MPP4: variants seen among roughly 807,000 people sequenced by gnomAD.
MPP4 encodes the protein MAGUK p55 scaffold protein 4.
A neutral mutation model predicts 98.3 loss-of-function variants in MPP4; 91 were observed. The ratio of observed to expected loss-of-function variants is 0.93; its 90% confidence interval spans 0.78 to 1.10. The LOEUF (loss-of-function observed/expected upper bound fraction) is 1.10, where lower values mean the gene tolerates loss of function less well. Among genes scored for constraint, MPP4 ranks in the 50% least tolerant of loss-of-function variants. The pLI, the probability that MPP4 is intolerant of heterozygous loss-of-function variation, is 0.00. For missense variants in MPP4, 744 were observed against 792.9 expected (o/e 0.94, Z 0.74); for synonymous variants, 261 against 271.8 (o/e 0.96, Z 0.39).
chr2:201,653,717 A>C (rs1486251314), intron 18 of MPP4, among the ~76,000 whole-genome samples: 1 of 152,198 alleles, frequency 6.6e-6, no homozygotes, highest in Non-Finnish European at 1.5e-5. Flanking sequence ...AGGTTGTCTT[A>C]GAGTGATTTT....
intron 21 of MPP4, 29 bp from the exon 22 acceptor site, chr2:201,645,433 G>C: frequency 6.4e-7 from 1 of 1,563,560 alleles, no homozygotes; most frequent in African/African-American, 1.4e-5. Context: ...AATATGGATA[G>C]TACAGACTTA....
chr2:201,651,915 G>A (rs981205876), intron 18 of MPP4: 9 of 616,422 alleles, frequency 1.5e-5, no homozygotes, highest in African/African-American at 8.1e-5. Context: ...ATAACACCAC[G>A]GCACTCCAGC....
At chr2:201,657,919 A>T (rs1687903557) in intron 16 of MPP4, among the ~76,000 whole-genome samples, 1 of 150,688 alleles carries the variant, frequency 6.6e-6, no homozygotes, top group African/African-American at 2.4e-5. Context: ...TTTAGGCTGA[A>T]TGATTCTGAA....
intron 12 of MPP4, 186 bp from the exon 13 acceptor site, chr2:201,666,558 C>T: frequency 4.4e-6 from 2 of 458,962 alleles, no homozygotes; most frequent in Non-Finnish European, 7.7e-6. Context: ...ATGTCTCTAC[C>T]AAAAAAAACA....
chr2:201,692,902 A>C lies in MPP4; in HGVS notation c.201+6T>G, dbSNP rs751614753. 1 of 1,605,590 alleles carries C rather than the reference A, an allele frequency of 6.2e-7. No homozygotes were observed. Among genetic ancestry groups the C allele is most frequent in the Non-Finnish European group, 8.5e-7 (1 of 1,176,220 alleles). Reference sequence around the variant, plus strand: ...AGCAAAGGCTTCCGAGCAAAGAAGCACTCACCTTTAGCAGAGCCTGAAGCC... The same window carrying C: ...AGCAAAGGCTTCCGAGCAAAGAAGCCCTCACCTTTAGCAGAGCCTGAAGCC... On this transcript the variant is annotated splice_donor_region_variant and intron_variant, in intron 3 of 21. Coordinates refer to ENST00000409474, the MANE Select transcript of MPP4 (RefSeq NM_033066.3).
At chr2:201,686,419 C>G (rs1688836485) in intron 5 of MPP4, among the ~76,000 whole-genome samples, 1 of 152,134 alleles carries the variant, frequency 6.6e-6, no homozygotes, top group Non-Finnish European at 1.5e-5. Context: ...AATATTTTCC[C>G]CAATTAAGGT....
chr2:201,678,095 T>C (rs1000225998), intron 10 of MPP4, among the ~76,000 whole-genome samples: 7 of 152,174 alleles, frequency 4.6e-5, no homozygotes, highest in African/African-American at 1.7e-4. Context: ...AATTTCTTAT[T>C]TTCATATTAG....
At chr2:201,678,848 C>A (rs575192305) in intron 10 of MPP4, among the ~76,000 whole-genome samples, 2 of 152,126 alleles carry the variant, frequency 1.3e-5, no homozygotes, top group Non-Finnish European at 2.9e-5. Flanking sequence ...CACTCCTGCT[C>A]ACTCCTAGGT....
intron 9 of MPP4, among the ~76,000 whole-genome samples, 177 bp downstream of exon 9, chr2:201,681,319 T>C (rs535583322): frequency 1.3e-5 from 2 of 152,214 alleles, no homozygotes; most frequent in East Asian, 3.8e-4. Flanking sequence ...CCCATCTCCT[T>C]GTACTGTACT....
In MPP4 at chr2:201,680,880, G is replaced by C. The variant is rs1285071750; in HGVS notation, c.887C>G (p.Ala296Gly). The part of the protein sequence containing the change: ...WWQARKISDP[A>G]TCAGLVPSNH... Reference sequence around the variant, plus strand: ...AGAAGGGACAAGCCCAGCGCAGGTAGCAGGGTCTGAGATTTTTCGGGCCTG... The same window carrying C: ...AGAAGGGACAAGCCCAGCGCAGGTACCAGGGTCTGAGATTTTTCGGGCCTG... The change falls in exon 10 of 22, where the codon GCT becomes GGT. Residue 296 changes from alanine (A) to glycine (G), a missense_variant. By Grantham distance (60) the Ala-to-Gly change is moderately conservative (BLOSUM62 0). Coordinates refer to ENST00000409474, the MANE Select transcript of MPP4 (RefSeq NM_033066.3). 6.2e-7 allele frequency: 1 copy of C among 1,613,620 alleles called. No homozygotes were observed. Among genetic ancestry groups the C allele is most frequent in the Admixed American group, 1.7e-5 (1 of 59,962 alleles).
At chr2:201,696,572 ATTTAAT>A (rs1689193157) in intron 1 of MPP4, among the ~76,000 whole-genome samples, 1 of 152,296 alleles carries the variant, frequency 6.6e-6, no homozygotes, top group Admixed American at 6.5e-5. Flanking sequence ...TTTCTGCCAT[ATTTAAT>A]GCCCGAATGA....
intron 16 of MPP4, 40 bp from the exon 17 acceptor site, chr2:201,656,408 G>A: frequency 1.3e-6 from 2 of 1,512,862 alleles, no homozygotes; most frequent in Non-Finnish European, 1.8e-6. Flanking sequence ...AACCAGGCAG[G>A]AGAGATCACT....
chr2:201,693,658 GA>G (rs1014735612), intron 2 of MPP4, among the ~76,000 whole-genome samples: 1 of 152,010 alleles, frequency 6.6e-6, no homozygotes, highest in Non-Finnish European at 1.5e-5. Flanking sequence ...TCAGGTAAGG[GA>G]AAAAAAGGTT....
At chr2:201,656,497 T>C in intron 16 of MPP4, 129 bp from the exon 17 acceptor site, 1 of 903,956 alleles carries the variant, frequency 1.1e-6, no homozygotes, top group Non-Finnish European at 1.6e-6. Flanking sequence ...TGTCTGAAGT[T>C]AGAAGATGGG....
intron 18 of MPP4, chr2:201,651,249 C>T (rs1687705712): frequency 1.0e-6 from 1 of 985,432 alleles, no homozygotes; most frequent in Non-Finnish European, 1.2e-6. Flanking sequence ...GAGTTACCAA[C>T]CTTCAAGGGG....
intron 1 of MPP4, among the ~76,000 whole-genome samples, chr2:201,695,447 G>A (rs1042763911): frequency 5.3e-5 from 8 of 152,120 alleles, no homozygotes; most frequent in Non-Finnish European, 7.4e-5. Flanking sequence ...GAATCCAGAC[G>A]CCAACTTTTC....
intron 21 of MPP4, among the ~76,000 whole-genome samples, chr2:201,645,832 ATATAAT>A (rs1398788640): frequency 2.6e-5 from 4 of 152,138 alleles, no homozygotes; most frequent in East Asian, 1.9e-4. Context: ...TGTAGAGAAA[ATATAAT>A]TATTATAACA....
At chr2:201,661,679 T>G (rs555698770) in intron 14 of MPP4, 6 of 448,334 alleles carry the variant, frequency 1.3e-5, no homozygotes, top group Non-Finnish European at 2.7e-5. Flanking sequence ...CTAAGCACTT[T>G]ATTCATATAA....
chr2:201,674,189 A>G (rs897294237), intron 11 of MPP4, among the ~76,000 whole-genome samples: 7 of 152,222 alleles, frequency 4.6e-5, no homozygotes, highest in Admixed American at 4.6e-4. Flanking sequence ...ATAGAACCCA[A>G]ATGAAGGTAT....
Sources: allele counts gnomAD v4.1 joint callset (sites outside exome capture counted in the v4.1 genomes callset), GRCh38; gene constraint gnomAD v4.1.1; transcripts MANE v1.5; gene names NCBI Gene and HGNC (gene_info 2026-07-23, HGNC 2026-07-21).